CALN1: variants seen among roughly 807,000 people sequenced by gnomAD.
The protein encoded by CALN1 is calcium-binding protein 8.
CALN1 carries 17 observed loss-of-function variants against 30.6 expected under a neutral mutation model. That is an observed-to-expected ratio of 0.56 (90% CI 0.38 to 0.83). The LOEUF is 0.83. CALN1 is among the 40% of genes least tolerant of loss of function. CALN1 has a pLI of 0.00. For missense variants in CALN1, 291 were observed against 354.9 expected (o/e 0.82, Z 1.45); for synonymous variants, 156 against 131.4 (o/e 1.19, Z -1.28).
intron 5 of CALN1, among the ~76,000 whole-genome samples, chr7:71,819,143 C>T (rs1755585376): frequency 6.6e-6 from 1 of 152,056 alleles, no homozygotes; most frequent in African/African-American, 2.4e-5. Flanking sequence ...ACATGCACCA[C>T]CACTTGTTTT....
upstream of CALN1, among the ~76,000 whole-genome samples, chr7:72,416,814 C>T (rs1470814764): frequency 1.3e-5 from 2 of 151,402 alleles, no homozygotes; most frequent in South Asian, 2.1e-4. Context: ...GGACCCACCT[C>T]TCCTGCATTA....
At chr7:72,204,517 A>G (rs977452646) in intron 3 of CALN1, among the ~76,000 whole-genome samples, 1 of 152,202 alleles carries the variant, frequency 6.6e-6, no homozygotes, top group Non-Finnish European at 1.5e-5. Context: ...ACTACACATT[A>G]TACAATATAC....
the CALN1 span, among the ~76,000 whole-genome samples, chr7:72,497,598 G>A: frequency 2.0e-5 from 3 of 152,142 alleles, no homozygotes; most frequent in Non-Finnish European, 4.4e-5. Context: ...TCCTAGAAAC[G>A]AGCAAAATCA....
intron 2 of CALN1, among the ~76,000 whole-genome samples, chr7:72,299,875 ATT>A (rs1206834484): frequency 2.0e-5 from 3 of 150,892 alleles, no homozygotes; most frequent in African/African-American, 7.3e-5. Flanking sequence ...TTTTGTTTCA[ATT>A]TTTGTTTTGT....
At chr7:72,451,217 G>A (rs1452121621), upstream of CALN1, among the ~76,000 whole-genome samples, 2 of 133,734 alleles carry the variant, frequency 1.5e-5, no homozygotes, top group Non-Finnish European at 3.1e-5. Context: ...AGAAGGAGGA[G>A]GAGGAGGAGG....
intron 2 of CALN1, among the ~76,000 whole-genome samples, chr7:72,349,008 A>T (rs73362963): frequency 6.6e-6 from 1 of 152,158 alleles, no homozygotes; most frequent in African/African-American, 2.4e-5. Context: ...ACAATAAAGG[A>T]AGGCATGCAA....
At chr7:71,870,596 C>T (rs530891035) in intron 5 of CALN1, among the ~76,000 whole-genome samples, 1 of 152,062 alleles carries the variant, frequency 6.6e-6, no homozygotes, top group South Asian at 2.1e-4. Context: ...TCCCTCCTTC[C>T]AAATTTTCAA....
At chr7:71,787,968 TA>T (rs1316736233) in intron 6 of CALN1, 66 bp from the exon 7 acceptor site, 2 of 1,602,636 alleles carry the variant, frequency 1.2e-6, no homozygotes, top group Non-Finnish European at 1.7e-6. Flanking sequence ...AAGAGAGAAA[TA>T]ACACAGTGAG....
intron 1 of CALN1, among the ~76,000 whole-genome samples, chr7:72,410,022 A>G (rs942218179): frequency 2.0e-5 from 3 of 152,256 alleles, no homozygotes; most frequent in East Asian, 3.9e-4. Flanking sequence ...TATTTTTGTT[A>G]TAACTGAACA....
intron 3 of CALN1, among the ~76,000 whole-genome samples, chr7:72,249,619 T>G (rs532806526): frequency 1.3e-5 from 2 of 152,130 alleles, no homozygotes; most frequent in African/African-American, 4.8e-5. Context: ...CCTGCCAACA[T>G]GGCAAAACCC....
At chr7:72,327,420 C>T (rs556599928) in intron 2 of CALN1, among the ~76,000 whole-genome samples, 51 of 152,302 alleles carry the variant, frequency 3.3e-4, no homozygotes, top group African/African-American at 1.1e-3. Context: ...ATCCAGCAGG[C>T]GGAGGTTGCA....
chr7:72,257,918 G>A (rs1285461166), intron 3 of CALN1, among the ~76,000 whole-genome samples: 2 of 152,116 alleles, frequency 1.3e-5, no homozygotes, highest in Non-Finnish European at 1.5e-5. Flanking sequence ...AAGCTACGAG[G>A]ATGCAAATGC....
At chr7:72,236,257 G>T (rs1214390440) in intron 3 of CALN1, among the ~76,000 whole-genome samples, 2 of 152,100 alleles carry the variant, frequency 1.3e-5, no homozygotes, top group African/African-American at 4.8e-5. Flanking sequence ...TTAAGGTTGG[G>T]TATTATCATT....
At chr7:72,139,316 C>T (rs913466729) in intron 3 of CALN1, among the ~76,000 whole-genome samples, 1 of 151,718 alleles carries the variant, frequency 6.6e-6, no homozygotes, top group African/African-American at 2.4e-5. Context: ...CTCTTCTACC[C>T]ACCTCAGCCA....
At chr7:71,981,549 G>A (rs918937147) in intron 5 of CALN1, among the ~76,000 whole-genome samples, 1 of 152,080 alleles carries the variant, frequency 6.6e-6, no homozygotes, top group African/African-American at 2.4e-5. Flanking sequence ...AACTACTCAG[G>A]AGGATGAGGC....
chr7:72,321,748 G>T (rs985780284), intron 2 of CALN1, among the ~76,000 whole-genome samples: 4 of 152,154 alleles, frequency 2.6e-5, no homozygotes, highest in African/African-American at 4.8e-5. Context: ...GACTATACCC[G>T]CAGTCTTTCT....
intron 3 of CALN1, among the ~76,000 whole-genome samples, chr7:72,268,600 G>T (rs576937886): frequency 2.0e-5 from 3 of 152,080 alleles, no homozygotes; most frequent in Non-Finnish European, 4.4e-5. Context: ...GAGCCCAGGC[G>T]TTCAAGACCA....
At chr7:72,076,291 A>C (rs527465765) in intron 4 of CALN1, among the ~76,000 whole-genome samples, 55 of 151,806 alleles carry the variant, frequency 3.6e-4, no homozygotes, top group African/African-American at 1.3e-3. Context: ...GGAACTTAAA[A>C]AATTAAAAAT....
At chr7:72,483,741 G>A in the CALN1 span, among the ~76,000 whole-genome samples, 10 of 150,984 alleles carry the variant, frequency 6.6e-5, no homozygotes, top group Middle Eastern at 3.5e-3. Flanking sequence ...ACATTTATTC[G>A]GTTGCTTGAA....
Sources: allele counts gnomAD v4.1 joint callset (sites outside exome capture counted in the v4.1 genomes callset), GRCh38; gene constraint gnomAD v4.1.1; transcripts MANE v1.5; gene names NCBI Gene and HGNC (gene_info 2026-07-23, HGNC 2026-07-21).